The following TRIM22 variants were observed in gnomAD, a reference collection of about 807,000 sequenced individuals.
TRIM22 encodes E3 ubiquitin-protein ligase TRIM22.
TRIM22 carries 45 observed loss-of-function variants against 53.6 expected under a neutral mutation model. That is an observed-to-expected ratio of 0.84 (90% CI 0.66 to 1.08). The LOEUF is 1.08. TRIM22 is among the 50% of genes least tolerant of loss of function. The pLI is 0.00. For synonymous variants in TRIM22, 225 were observed against 216.6 expected, an observed-to-expected ratio of 1.04 and a Z score of -0.34; for missense variants, 616 against 590.9, an observed-to-expected ratio of 1.04 and a Z score of -0.44.
rs1456313682 is a variant in TRIM22, at chr11:5,696,602, G to A, written c.370G>A (p.Glu124Lys). The A allele has an allele frequency of 6.2e-7, 1 of 1,613,784 alleles. No homozygotes were observed. Among genetic ancestry groups the A allele is most frequent in the Non-Finnish European group, 8.5e-7 (1 of 1,180,036 alleles). ...TTGCTGGGTTTGTGAACTGTCTCAG[G>A]AACACCAAGGTCACCAAACATTCCG... The part of the protein sequence containing the change: ...VICWVCELSQ[E>K]HQGHQTFRIN... Residue 124 changes from glutamate to lysine, a missense_variant, in exon 2 of 8, where the codon GAA (glutamate) becomes AAA (lysine). Coordinates refer to ENST00000379965, the MANE Select transcript of TRIM22 (RefSeq NM_006074.5).
At position 5,709,753 on chromosome 11, in the gene TRIM22, C is replaced by T. The variant is rs1010775540; in HGVS notation, c.*105C>T. The stretch of plus-strand genomic sequence containing the variant: ...TGAGACCATCTCTTCCTTTCTTTCC[C>T]CTTCTTTTACTTAGAATGTCTTTGT... On this transcript the variant is annotated 3_prime_UTR_variant, in exon 8 of 8. Transcript: ENST00000379965. 3 of 990,634 alleles carry T rather than the reference C, an allele frequency of 3.0e-6. No homozygotes were observed. In the Admixed American group the frequency reaches 7.0e-5, roughly 23 times the overall value. The allele number at this position is 990,634 out of a possible 1,614,324, so 61.4% of individuals were successfully genotyped here.
At chr11:5,708,716 CTT>C (rs35592896) in intron 7 of TRIM22, 113 bp downstream of exon 7, 66,383 of 595,424 alleles carry the variant, frequency 0.11, 7 homozygotes, top group Non-Finnish European at 0.12. Flanking sequence ...CCATGTAGTT[CTT>C]TTTTTTTTTT....
intron 3 of TRIM22, chr11:5,697,843 A>G (rs140514041): frequency 0.015 from 2,652 of 171,622 alleles, 77 homozygotes; most frequent in African/African-American, 0.059. Context: ...AGCTGGGACT[A>G]CAGGCATGTG....
chr11:5,703,476 C>T (rs957900353), intron 4 of TRIM22, among the ~76,000 whole-genome samples: 4 of 151,668 alleles, frequency 2.6e-5, no homozygotes, highest in Admixed American at 6.6e-5. Flanking sequence ...AGCTCTGCTT[C>T]CCGGGTTCAG....
At chr11:5,708,537 T>C (rs765422879) in intron 6 of TRIM22, 40 bp from the exon 7 acceptor site, 2 of 1,584,500 alleles carry the variant, frequency 1.3e-6, no homozygotes, top group East Asian at 4.5e-5. Flanking sequence ...TACTTACTTA[T>C]TTGCTTCTAA....
rs1853313895 is a variant in TRIM22 at position 5,698,621 on chromosome 11, T to C, written c.750+76T>C. ...AGGCCGATTTTCCTTCCCTTCCCAG[T>C]CTCTAGGCTTTCTTCTGTGTGGTGA... On this transcript the variant is annotated intron_variant, in intron 4 of 7. Transcript: ENST00000379965. 2.5e-6 allele frequency: 3 copies of C among 1,177,320 alleles called. No individual in the cohort carries two copies. The Admixed American group carries it at 6.4e-5, about 25-fold the overall frequency. 72.9% of individuals were successfully genotyped at this position (1,177,320 alleles called of 1,614,324 possible).
Position 5,706,616 on chromosome 11 carries a change from G to T in TRIM22, c.773G>T (p.Arg258Met). ...MLQDVIDVMK[R>M]SESWTLKKPK... ...CAGGATGTGATTGACGTCATGAAAA[G>T]GTATATGTGGAAGAGAGATGTGGTC... Residue 258 changes from arginine to methionine, a missense_variant and splice_region_variant, in exon 5 of 8, where the codon AGG becomes ATG. By Grantham distance (91) the Arg-to-Met change is moderately conservative. Transcript: ENST00000379965. 1 of 1,611,410 alleles carries T rather than the reference G, an allele frequency of 6.2e-7. No homozygotes were observed. The highest frequency in any genetic ancestry group is 8.5e-7 in the Non-Finnish European group (1 of 1,178,302).
chr11:5,706,664 A>G (rs902484389), intron 5 of TRIM22, 48 bp downstream of exon 5: 2 of 1,562,582 alleles, frequency 1.3e-6, no homozygotes, highest in Admixed American at 1.7e-5. Context: ...AAAGAGAATT[A>G]TAGTCCTGAG....
intron 4 of TRIM22, among the ~76,000 whole-genome samples, chr11:5,705,923 T>A (rs551734436): frequency 6.6e-6 from 1 of 152,316 alleles, no homozygotes; most frequent in Admixed American, 6.5e-5. Flanking sequence ...TTAGTCAGCA[T>A]ACACAGTGAG....
chr11:5,693,189 CTTTTTTTTT>C (rs55820335), intron 1 of TRIM22, among the ~76,000 whole-genome samples: 2 of 125,618 alleles, frequency 1.6e-5, no homozygotes, highest in Non-Finnish European at 3.3e-5. Flanking sequence ...GCCTGGCCAT[CTTTTTTTTT>C]TTTTTTTTTT....
rs1365069858 is a variant in TRIM22, at chr11:5,698,300, C to T, written c.520-15C>T. 2 of 1,610,942 alleles carry T rather than the reference C, an allele frequency of 1.2e-6. No individual in the cohort carries two copies. Among genetic ancestry groups the T allele is most frequent in the Non-Finnish European group, 1.7e-6 (2 of 1,177,230 alleles). On this transcript the variant is annotated splice_polypyrimidine_tract_variant and intron_variant, in intron 3 of 7. Coordinates refer to ENST00000379965, the MANE Select transcript of TRIM22 (RefSeq NM_006074.5). ...CCAGCCAGACTGACTGCCTCTTTCTCTTTTCATTCCCAAGAATTATATCCA... is the reference window on the plus strand; with the variant it reads ...CCAGCCAGACTGACTGCCTCTTTCTTTTTTCATTCCCAAGAATTATATCCA...
intron 4 of TRIM22, among the ~76,000 whole-genome samples, chr11:5,703,527 A>G (rs1376059533): frequency 6.6e-6 from 1 of 151,814 alleles, no homozygotes; most frequent in Non-Finnish European, 1.5e-5. Context: ...CTGGGACTAC[A>G]GGCGCCTGCA....
chr11:5,698,413 G>A lies in TRIM22; in HGVS notation c.618G>A (p.Glu206=), dbSNP rs955661340. The change falls in exon 4 of 8, where the codon GAG becomes GAA. Residue 206 remains glutamate, a synonymous_variant. Transcript: ENST00000379965. ...NEEQRELQKL[E]EGEVNVLDNL... ...AGCAGAGAGAGCTGCAAAAGCTGGA[G>A]GAAGGTGAGGTGAATGTGCTGGATA... The A allele has an allele frequency of 1.2e-6, 2 of 1,614,096 alleles. No individual in the cohort carries two copies. The highest frequency in any genetic ancestry group is 2.7e-5 in the African/African-American group (2 of 74,938).
At chr11:5,692,874 A>AT (rs1853194701) in intron 1 of TRIM22, among the ~76,000 whole-genome samples, 1 of 120,792 alleles carries the variant, frequency 8.3e-6, no homozygotes, top group South Asian at 3.1e-4. Context: ...ATTTAATTTA[A>AT]TCTTTTTTTT....
intron 1 of TRIM22, 54 bp from the exon 2 acceptor site, chr11:5,696,113 G>A (rs547990153): frequency 1.2e-6 from 1 of 841,798 alleles, no homozygotes; most frequent in African/African-American, 1.7e-5. Flanking sequence ...CTCTGTAAAA[G>A]CAGTATTCTT....
intron 1 of TRIM22, among the ~76,000 whole-genome samples, chr11:5,692,749 G>C (rs12274260): frequency 0.41 from 61,456 of 148,314 alleles, 12,945 homozygotes; most frequent in Non-Finnish European, 0.47. Context: ...TGCTTGAGTT[G>C]AGGAGTTTGA....
intron 1 of TRIM22, chr11:5,691,295 C>T (rs6578678): frequency 0.24 from 36,720 of 152,178 alleles, 4,736 homozygotes; most frequent in Non-Finnish European, 0.3. Context: ...TAAGGGGGTC[C>T]GCGTGAGAGG....
rs753713069 is a variant in TRIM22 at position 5,709,149 on chromosome 11, A to T, written c.998A>T (p.Asn333Ile). Residue 333 changes from asparagine (N) to isoleucine (I), a missense_variant, in exon 8 of 8, where the codon AAT (asparagine) becomes ATT (isoleucine). Asn to Ile is a moderately radical substitution (Grantham distance 149). Coordinates refer to ENST00000379965, the MANE Select transcript of TRIM22 (RefSeq NM_006074.5). ...ACTGTACGCACCTGCACATTTAAGA[A>T]TTCAAATCCATGTGATTTTTCTGCT... ...VKTVRTCTFK[N>I]SNPCDFSAFG... The T allele has an allele frequency of 3.1e-6, 5 of 1,614,068 alleles. No homozygotes were observed. The highest frequency in any genetic ancestry group is 4.2e-6 in the Non-Finnish European group (5 of 1,180,042).
chr11:5,703,544 C>G (rs1382994140), intron 4 of TRIM22, among the ~76,000 whole-genome samples: 2 of 151,930 alleles, frequency 1.3e-5, no homozygotes, highest in Non-Finnish European at 2.9e-5. Context: ...TGCAACCACG[C>G]CCGGCTAATT....
Sources: allele counts gnomAD v4.1 joint callset (sites outside exome capture counted in the v4.1 genomes callset), GRCh38; gene constraint gnomAD v4.1.1; transcripts MANE v1.5; gene names NCBI Gene and HGNC (gene_info 2026-07-23, HGNC 2026-07-21).